MAP3K20: variants seen among roughly 807,000 people sequenced by gnomAD.
MAP3K20 encodes the protein mitogen-activated protein kinase kinase kinase 20, also known as HCCS-4.
In MAP3K20, 40 loss-of-function variants were observed where a neutral mutation model predicts 85.7. The ratio of observed to expected loss-of-function variants is 0.47; its 90% confidence interval spans 0.36 to 0.61. The LOEUF (loss-of-function observed/expected upper bound fraction) is 0.61, where lower values mean the gene tolerates loss of function less well. Ranked by LOEUF, MAP3K20 falls within the 20% of genes least tolerant of loss-of-function variation. MAP3K20 has a pLI of 0.00. For synonymous variants in MAP3K20, 325 were observed against 327.7 expected (o/e 0.99, Z 0.09); for missense variants, 817 against 961.7 (o/e 0.85, Z 1.99).
intron 2 of MAP3K20, among the ~76,000 whole-genome samples, chr2:173,119,952 A>T (rs1234964678): frequency 6.6e-6 from 1 of 152,220 alleles, no homozygotes; most frequent in Non-Finnish European, 1.5e-5. Flanking sequence ...AAGGGGAAGA[A>T]GGAGAGATCA....
intron 12 of MAP3K20, among the ~76,000 whole-genome samples, chr2:173,230,825 A>G (rs943908777): frequency 6.6e-6 from 1 of 152,060 alleles, no homozygotes. Context: ...GTGAAACCCC[A>G]TCTCTACTAA....
At chr2:173,114,113 T>C (rs902262966) in intron 2 of MAP3K20, among the ~76,000 whole-genome samples, 3 of 152,230 alleles carry the variant, frequency 2.0e-5, no homozygotes, top group Non-Finnish European at 2.9e-5. Flanking sequence ...TATTTTCCTA[T>C]TGGACAAGGC....
intron 2 of MAP3K20, among the ~76,000 whole-genome samples, chr2:173,163,932 A>T (rs1302244159): frequency 6.6e-6 from 1 of 151,728 alleles, no homozygotes; most frequent in Non-Finnish European, 1.5e-5. Context: ...CCTTTTCTGT[A>T]CAACTTTACC....
At chr2:173,221,667 G>A (rs1372592074) in intron 11 of MAP3K20, 50 of 1,339,736 alleles carry the variant, frequency 3.7e-5, no homozygotes, top group Non-Finnish European at 3.7e-5. Context: ...TTACATGACC[G>A]TAATTTCTTA....
intron 4 of MAP3K20, among the ~76,000 whole-genome samples, chr2:173,185,405 C>G (rs925301184): frequency 1.3e-5 from 2 of 151,618 alleles, no homozygotes; most frequent in Non-Finnish European, 2.9e-5. Flanking sequence ...GCAAGTAATA[C>G]TTAACATTTA....
At chr2:173,236,900 C>G (rs547953959) in intron 14 of MAP3K20, among the ~76,000 whole-genome samples, 29 of 152,000 alleles carry the variant, frequency 1.9e-4, no homozygotes, top group Non-Finnish European at 3.7e-4. Flanking sequence ...AAGAATGCAT[C>G]CTTCCTTTAT....
chr2:173,223,019 A>G, intron 11 of MAP3K20: 1 of 985,232 alleles, frequency 1.0e-6, no homozygotes, highest in Non-Finnish European at 1.2e-6. Context: ...AAAGGACATC[A>G]TCATAGATAT....
intron 10 of MAP3K20, among the ~76,000 whole-genome samples, chr2:173,216,508 G>A: frequency 7.2e-6 from 1 of 139,678 alleles, no homozygotes; most frequent in Non-Finnish European, 1.6e-5. Flanking sequence ...GGGTTCTGGT[G>A]TGTTTTTTTT....
chr2:173,233,010 G>C (rs1038634338), intron 14 of MAP3K20, among the ~76,000 whole-genome samples: 5 of 152,194 alleles, frequency 3.3e-5, no homozygotes, highest in African/African-American at 1.2e-4. Flanking sequence ...CTCACAGGGA[G>C]ATAACCTGAA....
At chr2:173,257,963 T>C (rs1685198236) in intron 16 of MAP3K20, among the ~76,000 whole-genome samples, 1 of 152,230 alleles carries the variant, frequency 6.6e-6, no homozygotes, top group South Asian at 2.1e-4. Flanking sequence ...ATTAACATAC[T>C]ATCGTTTAAA....
intron 4 of MAP3K20, among the ~76,000 whole-genome samples, chr2:173,187,086 C>G (rs1448633213): frequency 6.6e-6 from 1 of 152,166 alleles, no homozygotes; most frequent in Non-Finnish European, 1.5e-5. Context: ...GAGAAAAAGC[C>G]AAGCTGCAGC....
At chr2:173,203,905 C>G (rs1455729816) in intron 9 of MAP3K20, 35 bp downstream of exon 9, 2 of 1,582,868 alleles carry the variant, frequency 1.3e-6, no homozygotes, top group Non-Finnish European at 1.7e-6. Context: ...GTTTAGAATT[C>G]TGAAATTTCT....
chr2:173,161,502 T>C (rs1689657025), intron 2 of MAP3K20, among the ~76,000 whole-genome samples: 1 of 152,210 alleles, frequency 6.6e-6, no homozygotes, highest in African/African-American at 2.4e-5. Context: ...ATCATTATCA[T>C]CAAATACTGT....
chr2:173,203,756 C>T, intron 8 of MAP3K20, 40 bp from the exon 9 acceptor site: 1 of 1,468,130 alleles, frequency 6.8e-7, no homozygotes, highest in Non-Finnish European at 9.5e-7. Context: ...ATGAATAAAT[C>T]CCTGTTTTAT....
At chr2:173,200,909 G>A (rs578126997) in intron 8 of MAP3K20, among the ~76,000 whole-genome samples, 8 of 152,300 alleles carry the variant, frequency 5.3e-5, no homozygotes, top group African/African-American at 7.2e-5. Context: ...TGGGATTACA[G>A]GCATGAGCCA....
chr2:173,250,778 G>A (rs1420312628), intron 16 of MAP3K20, among the ~76,000 whole-genome samples: 2 of 152,078 alleles, frequency 1.3e-5, no homozygotes, highest in Non-Finnish European at 2.9e-5. Flanking sequence ...GGTTATTAAT[G>A]GAATTTTTAG....
chr2:173,114,214 C>T (rs1006510223), intron 2 of MAP3K20, among the ~76,000 whole-genome samples: 1 of 152,142 alleles, frequency 6.6e-6, no homozygotes, highest in African/African-American at 2.4e-5. Flanking sequence ...GCTACCCCTG[C>T]TTGCTTTTGG....
intron 2 of MAP3K20, among the ~76,000 whole-genome samples, chr2:173,097,461 A>AT (rs201649277): frequency 3.4e-4 from 52 of 151,660 alleles, no homozygotes; most frequent in African/African-American, 1.2e-3. Flanking sequence ...TGTACATAGT[A>AT]TTTTTTTTTC....
intron 16 of MAP3K20, among the ~76,000 whole-genome samples, chr2:173,246,514 C>T (rs1410186369): frequency 6.6e-6 from 1 of 152,102 alleles, no homozygotes. Context: ...CTCTTATCAG[C>T]TCACCACGCA....
Sources: allele counts gnomAD v4.1 joint callset (sites outside exome capture counted in the v4.1 genomes callset), GRCh38; gene constraint gnomAD v4.1.1; transcripts MANE v1.5; gene names NCBI Gene and HGNC (gene_info 2026-07-23, HGNC 2026-07-21).